The following KIF19 variants were observed in gnomAD, a reference collection of about 807,000 sequenced individuals.
KIF19 encodes kinesin family member 19, also known as kinesin-like protein KIF19.
KIF19 carries 98 observed loss-of-function variants against 106.6 expected under a neutral mutation model. The observed-to-expected ratio is 0.92, with a 90% CI of 0.78 to 1.09. KIF19 has a LOEUF of 1.09. Among genes scored for constraint, KIF19 ranks in the 50% least tolerant of loss-of-function variants. The pLI is 0.00. For missense variants in KIF19, 1,373 were observed against 1,414.3 expected, an observed-to-expected ratio of 0.97 and a Z score of 0.47; for synonymous variants, 516 against 584.2, an observed-to-expected ratio of 0.88 and a Z score of 1.68.
chr17:74,332,210 T>TGTGTGTGTGTGTTTG (rs1567897631), intron 2 of KIF19, among the ~76,000 whole-genome samples: 1 of 108,766 alleles, frequency 9.2e-6, no homozygotes, highest in Non-Finnish European at 2.0e-5. Flanking sequence ...GTGTGTGTGT[T>TGTGTGTGTGTGTTTG]TGTGTGTGTG....
chr17:74,349,275 G>A lies in KIF19; in HGVS notation c.1139G>A (p.Arg380His), dbSNP rs1202022186. Residue 380 changes from arginine to histidine, a missense_variant, in exon 10 of 20, where the codon CGC becomes CAC. Around this residue, in one of 3 missense-constraint regions of KIF19, gnomAD observed 1,020 missense variants for 1,008.2 expected, o/e 1.01. Coordinates refer to ENST00000389916, the MANE Select transcript of KIF19 (RefSeq NM_153209.4). The stretch of plus-strand genomic sequence containing the variant: ...CGGGGCGAGATCCAGCGACTCAAGC[G>A]CAAGATTGATGAGCAGACTGGGCGG... ...DLRGEIQRLK[R>H]KIDEQTGRGQ... 29 of 1,613,178 alleles carry A rather than the reference G, an allele frequency of 1.8e-5. No individual in the cohort carries two copies. The highest frequency in any genetic ancestry group is 2.7e-5 in the African/African-American group (2 of 74,932).
At chr17:74,326,622 C>T (rs1005550814) in intron 1 of KIF19, among the ~76,000 whole-genome samples, 5 of 152,166 alleles carry the variant, frequency 3.3e-5, no homozygotes, top group African/African-American at 9.7e-5. Context: ...AACCCCACCC[C>T]CACCTTTCCA....
Position 74,355,534 on chromosome 17 carries a change from G to A in KIF19, c.*222G>A, listed in dbSNP as rs548271636. The A allele has an allele frequency of 2.3e-4, 122 of 541,874 alleles. 1 individual carries two copies. Among genetic ancestry groups the A allele is most frequent in the African/African-American group, 1.9e-3 (101 of 52,766 alleles). 33.6% of individuals were successfully genotyped at this position (541,874 alleles called of 1,614,324 possible). ...TGAGGCCAGGGGACATGGCCAGGACGGCTGGGCTCCCTGGCTTCCCAGCCC... is the reference window on the plus strand; with the variant it reads ...TGAGGCCAGGGGACATGGCCAGGACAGCTGGGCTCCCTGGCTTCCCAGCCC... On this transcript the variant is annotated 3_prime_UTR_variant, in exon 20 of 20. Coordinates refer to ENST00000389916, the MANE Select transcript of KIF19 (RefSeq NM_153209.4).
chr17:74,343,140 G>T lies in KIF19; in HGVS notation c.436G>T (p.Val146Phe). The change falls in exon 5 of 20, where the codon GTC (valine) becomes TTC (phenylalanine). Residue 146 changes from valine to phenylalanine, a missense_variant. This residue lies in a region of KIF19 where 348 missense variants were observed against 389.5 expected (regional missense o/e 0.89). Transcript: ENST00000389916. ...GACCAGCAATGACATGGAGTATGAGGTCTCCATGTCCTACCTGGAGGTGAG... is the reference window on the plus strand; with the variant it reads ...GACCAGCAATGACATGGAGTATGAGTTCTCCATGTCCTACCTGGAGGTGAG... ...EETSNDMEYE[V>F]SMSYLEIYNE... 2 of 1,612,696 alleles carry T rather than the reference G, an allele frequency of 1.2e-6. No homozygotes were observed. Among genetic ancestry groups the T allele is most frequent in the South Asian group, 1.1e-5 (1 of 91,066 alleles).
intron 2 of KIF19, chr17:74,329,398 A>T (rs1421182712): frequency 6.6e-6 from 1 of 151,306 alleles, no homozygotes; most frequent in Admixed American, 6.6e-5. Context: ...CAGTGAGCCG[A>T]CATCACGCCA....
chr17:74,346,467 C>T lies in KIF19; in HGVS notation c.867C>T (p.Asp289=), dbSNP rs1293848710. Residue 289 remains aspartate, a synonymous_variant, in exon 8 of 20, where the codon GAC becomes GAT. Transcript: ENST00000389916. The surrounding 1 kb of genome is among the most constrained non-coding windows in gnomAD (Gnocchi z 4.6). ...ALGNCINALS[D]KGSNKYINYR... ...GCAACTGCATCAACGCCCTGAGCGA[C>T]AAGGGTAGCAACAAGTACATCAACT... is the stretch of plus-strand genomic sequence containing the variant. The T allele has an allele frequency of 1.3e-6, 2 of 1,554,516 alleles. No individual in the cohort carries two copies. Among genetic ancestry groups the T allele is most frequent in the Admixed American group, 1.9e-5 (1 of 51,538 alleles).
rs2054157373 is a variant in KIF19, at chr17:74,333,880, T to C, written c.120+5375T>C. 2.9e-5 allele frequency among the ~76,000 whole-genome samples: 4 copies of C among 135,714 alleles called. 1 individual carries two copies. The South Asian group carries it at 9.3e-4, about 31-fold the overall frequency. 89.0% of individuals were successfully genotyped at this position (135,714 alleles called of 152,430 possible). ...TTTTTTTTCTTTTTTTTTTTTGAGATGGGGGTCTCACTTTGTCACTGCCAC... is the reference window on the plus strand; with the variant it reads ...TTTTTTTTCTTTTTTTTTTTTGAGACGGGGGTCTCACTTTGTCACTGCCAC... On this transcript the variant is annotated intron_variant, in intron 2 of 19. Transcript: ENST00000389916.
In KIF19 at chr17:74,350,730, G is replaced by T. The variant is rs753897428; in HGVS notation, c.1412G>T (p.Arg471Leu). ...AGCTGGAAGCATGAGAAGTCCCGCC[G>T]GGCCCTCAAATGGCGGGAGGAGCAG... ...IAGWKHEKSR[R>L]ALKWREEQRK... Residue 471 changes from arginine to leucine, a missense_variant, in exon 12 of 20, where the codon CGG becomes CTG. This residue lies in a region of KIF19 where 1,020 missense variants were observed against 1,008.2 expected (regional missense o/e 1.01). Coordinates refer to ENST00000389916, the MANE Select transcript of KIF19 (RefSeq NM_153209.4). 1 of 1,613,768 alleles carries T rather than the reference G, an allele frequency of 6.2e-7. No individual in the cohort carries two copies. The highest frequency in any genetic ancestry group is 1.3e-5 in the African/African-American group (1 of 74,936).
rs1201494702 is a variant in KIF19, at chr17:74,351,852, C to CTGCG, written c.1588-14_1588-11dup. 2 of 1,381,078 alleles carry CTGCG rather than the reference C, an allele frequency of 1.4e-6. No homozygotes were observed. The highest frequency in any genetic ancestry group is 1.9e-6 in the Non-Finnish European group (2 of 1,075,796). 85.6% of individuals were successfully genotyped at this position (1,381,078 alleles called of 1,614,324 possible). A position where few individuals can be genotyped will look rare whatever the true frequency, so the allele number is the denominator to read the frequency against. On this transcript the variant is annotated splice_polypyrimidine_tract_variant and intron_variant, in intron 12 of 19. Transcript: ENST00000389916. ...CCTCTCCCCGCTGCCAGATGCTGAC[C>CTGCG]TGCGCCTCCTGCAGCTGGCGCTGGA... is the stretch of plus-strand genomic sequence containing the variant.
At chr17:74,336,257 T>C (rs950036050) in intron 2 of KIF19, among the ~76,000 whole-genome samples, 2 of 152,144 alleles carry the variant, frequency 1.3e-5, no homozygotes, top group East Asian at 1.9e-4. Flanking sequence ...TTAGTAGAGA[T>C]GGGATTTCAC....
rs1053686893 is a variant in KIF19, at chr17:74,344,748, C to T, written c.583-13C>T. ...GCAGTCGCTAAGAGCTGCCTCTCCT[C>T]CCTCCCACCCAGATCATGCAGCTGC... On this transcript the variant is annotated splice_polypyrimidine_tract_variant and intron_variant, in intron 6 of 19. Coordinates refer to ENST00000389916, the MANE Select transcript of KIF19 (RefSeq NM_153209.4). 3.8e-6 allele frequency: 6 copies of T among 1,594,990 alleles called. No homozygotes were observed. Among genetic ancestry groups the T allele is most frequent in the Non-Finnish European group, 5.1e-6 (6 of 1,166,014 alleles).
chr17:74,346,375 T>TA lies in KIF19; in HGVS notation c.778-2dup. 1 of 1,571,202 alleles carries TA rather than the reference T, an allele frequency of 6.4e-7. No homozygotes were observed. Among genetic ancestry groups the TA allele is most frequent in the Non-Finnish European group, 8.6e-7 (1 of 1,158,402 alleles). On this transcript the variant is annotated splice_region_variant and splice_polypyrimidine_tract_variant and intron_variant, in intron 7 of 19. Coordinates refer to ENST00000389916, the MANE Select transcript of KIF19 (RefSeq NM_153209.4). The surrounding 1 kb of genome is among the most constrained non-coding windows in gnomAD (Gnocchi z 4.6). ...ACACGTGTGCCCTTTGCTCGCCCCC[T>TA]AGACACAGAATCGTGGGCAGCGTAT...
chr17:74,331,169 C>T lies in KIF19; in HGVS notation c.120+2664C>T, dbSNP rs941769592. ...CCCCCACCTCCTGACCTTCACCTGACCCTAGTGACCCCATAGCTCGCTCAC... is the reference window on the plus strand; with the variant it reads ...CCCCCACCTCCTGACCTTCACCTGATCCTAGTGACCCCATAGCTCGCTCAC... On this transcript the variant is annotated intron_variant, in intron 2 of 19. Transcript: ENST00000389916. The surrounding 1 kb of genome is among the most constrained non-coding windows in gnomAD (Gnocchi z 4.1). 6.6e-6 allele frequency among the ~76,000 whole-genome samples: 1 copy of T among 152,158 alleles called. No homozygotes were observed.
At position 74,354,389 on chromosome 17, in the gene KIF19, C is replaced by A; in HGVS notation, c.2536C>A (p.Leu846Met). The change falls in exon 18 of 20, where the codon CTG becomes ATG. Residue 846 changes from leucine to methionine, a missense_variant. Physicochemically the swap from Leu to Met is conservative, Grantham distance 15. This residue lies in a region of KIF19 where 1,020 missense variants were observed against 1,008.2 expected (regional missense o/e 1.01). Transcript: ENST00000389916. ...TLQHAASEDNLSSSTGEAPSR... is the reference protein window; with the variant it reads ...TLQHAASEDNMSSSTGEAPSR... ...ACAGCATGCTGCCAGTGAGGACAAC[C>A]TGTCCAGCAGCACGGGCGAGGCCCC... 6.2e-7 allele frequency: 1 copy of A among 1,610,238 alleles called. No homozygotes were observed. The highest frequency in any genetic ancestry group is 8.5e-7 in the Non-Finnish European group (1 of 1,178,828).
At chr17:74,350,625 A>G in intron 11 of KIF19, 50 bp downstream of exon 11, 1 of 1,609,452 alleles carries the variant, frequency 6.2e-7, no homozygotes, top group Non-Finnish European at 8.5e-7. Context: ...TGCCTGGGAC[A>G]GAGGAGCACG....
At position 74,346,563 on chromosome 17, in the gene KIF19, G is replaced by A. The variant is rs1481478762; in HGVS notation, c.924+39G>A. The A allele has an allele frequency of 1.3e-6, 2 of 1,534,282 alleles. No individual in the cohort carries two copies. The highest frequency in any genetic ancestry group is 4.9e-5 in the East Asian group (2 of 40,548). ...CTGGGCCTGGGCACTGGGCACCAAG[G>A]GTGAGGCTGCCAGATTAAACAAATG... On this transcript the variant is annotated intron_variant, in intron 8 of 19. Coordinates refer to ENST00000389916, the MANE Select transcript of KIF19 (RefSeq NM_153209.4). The surrounding 1 kb of genome is among the most constrained non-coding windows in gnomAD (Gnocchi z 4.6).
At chr17:74,347,694 G>A (rs1446018439) in intron 8 of KIF19, 83 bp from the exon 9 acceptor site, 41 of 1,494,350 alleles carry the variant, frequency 2.7e-5, no homozygotes, top group Admixed American at 3.9e-5. Flanking sequence ...GATTGCACTC[G>A]CCAGGGAGGG....
At chr17:74,327,055 G>A (rs867997459) in intron 1 of KIF19, among the ~76,000 whole-genome samples, 3 of 152,318 alleles carry the variant, frequency 2.0e-5, no homozygotes, top group African/African-American at 7.2e-5. Context: ...GAGCAACAAG[G>A]GAGATGACTC....
chr17:74,334,436 A>G (rs1317254580), intron 2 of KIF19, among the ~76,000 whole-genome samples: 3 of 152,084 alleles, frequency 2.0e-5, no homozygotes, highest in South Asian at 2.1e-4. Context: ...CCTTTGAGAG[A>G]CACAGCCCTA....
Sources: gnomAD v4.1 joint callset for allele counts (sites outside exome capture counted in the v4.1 genomes callset) on GRCh38, gnomAD v4.1.1 for gene constraint, gnomAD v4.1.1 regional missense constraint, Gnocchi (gnomAD v3.1) non-coding constraint, MANE v1.5 for transcripts, NCBI Gene and HGNC (gene_info 2026-07-23, HGNC 2026-07-21) for gene names.